ATG7: variants seen among roughly 807,000 people sequenced by gnomAD.
The protein encoded by ATG7 is autophagy related 7.
ATG7 carries 70 observed loss-of-function variants against 82.4 expected under a neutral mutation model. The observed-to-expected ratio is 0.85, with a 90% CI of 0.70 to 1.04. The LOEUF (loss-of-function observed/expected upper bound fraction) is 1.04, where lower values mean the gene tolerates loss of function less well. ATG7 is among the 50% of genes least tolerant of loss of function. The pLI, the probability that ATG7 is intolerant of heterozygous loss-of-function variation, is 0.00. For synonymous variants in ATG7, 287 were observed against 313.0 expected (o/e 0.92, Z 0.88); for missense variants, 792 against 864.3 (o/e 0.92, Z 1.05).
At chr3:11,372,942 G>A (rs1043903543) in intron 18 of ATG7, among the ~76,000 whole-genome samples, 2 of 151,308 alleles carry the variant, frequency 1.3e-5, no homozygotes, top group Non-Finnish European at 2.9e-5. Context: ...TTAAAAGAAA[G>A]TTAAATGTTT....
At chr3:11,334,367 C>T (rs1187175047) in intron 11 of ATG7, among the ~76,000 whole-genome samples, 2 of 151,926 alleles carry the variant, frequency 1.3e-5, no homozygotes, top group African/African-American at 4.8e-5. Flanking sequence ...TCCTCGGCCT[C>T]CCAAGAAGCT....
chr3:11,565,050 G>GT, the ATG7 span: 1 of 1,462,810 alleles, frequency 6.8e-7, no homozygotes, highest in Non-Finnish European at 9.0e-7. The surrounding 1 kb of genome is among the most constrained non-coding windows in gnomAD (Gnocchi z 4.1). Flanking sequence ...TTCAGGGGGC[G>GT]TTTTCTCAAA....
the ATG7 span, among the ~76,000 whole-genome samples, chr3:11,575,509 C>T: frequency 8.5e-5 from 13 of 152,330 alleles, no homozygotes; most frequent in Admixed American, 5.9e-4. Flanking sequence ...TGGGTCCCTC[C>T]TTTCCTTGGG....
chr3:11,384,093 G>A (rs536629827), intron 19 of ATG7, among the ~76,000 whole-genome samples: 1 of 152,344 alleles, frequency 6.6e-6, no homozygotes, highest in South Asian at 2.1e-4. Flanking sequence ...TCTAAAAGGA[G>A]TAAAGCTAGG....
chr3:11,303,195 G>A (rs1050434537), intron 5 of ATG7, among the ~76,000 whole-genome samples: 1 of 152,204 alleles, frequency 6.6e-6, no homozygotes, highest in Non-Finnish European at 1.5e-5. Context: ...CTGGAGGGAA[G>A]GGACATTTAT....
intron 20 of ATG7, among the ~76,000 whole-genome samples, chr3:11,505,647 C>T (rs2091657393): frequency 1.3e-5 from 2 of 152,306 alleles, no homozygotes; most frequent in South Asian, 4.1e-4. Flanking sequence ...CCTTGCAAGT[C>T]AGTGACACCA....
chr3:11,566,305 G>A, the ATG7 span, among the ~76,000 whole-genome samples: 10 of 152,186 alleles, frequency 6.6e-5, no homozygotes, highest in East Asian at 1.9e-4. Context: ...AACAACACAC[G>A]GCCATCCCAT....
At chr3:11,461,154 G>A (rs2086263387) in intron 20 of ATG7, among the ~76,000 whole-genome samples, 1 of 152,226 alleles carries the variant, frequency 6.6e-6, no homozygotes, top group African/African-American at 2.4e-5. Flanking sequence ...GATATAGGGT[G>A]TCAGTGCTGG....
At chr3:11,470,256 A>T (rs1003271058) in intron 20 of ATG7, among the ~76,000 whole-genome samples, 2 of 152,212 alleles carry the variant, frequency 1.3e-5, no homozygotes, top group African/African-American at 4.8e-5. Context: ...AGGCGATTAC[A>T]TCAGTTGTCA....
intron 19 of ATG7, among the ~76,000 whole-genome samples, chr3:11,405,770 A>G (rs1294730409): frequency 6.6e-6 from 1 of 151,302 alleles, no homozygotes; most frequent in African/African-American, 2.4e-5. Context: ...TGGGACTACA[A>G]ATGCATGTCA....
At chr3:11,472,779 T>A (rs1238868972) in intron 20 of ATG7, among the ~76,000 whole-genome samples, 1 of 152,148 alleles carries the variant, frequency 6.6e-6, no homozygotes, top group Non-Finnish European at 1.5e-5. Context: ...TACCCCAGCC[T>A]TTGTGATTGG....
chr3:11,358,035 A>G (rs2076046808), intron 14 of ATG7, among the ~76,000 whole-genome samples: 1 of 150,776 alleles, frequency 6.6e-6, no homozygotes, highest in South Asian at 2.1e-4. Flanking sequence ...AAAAGAAAAG[A>G]AAAAAAAAGA....
At position 11,555,203 on chromosome 3, in the gene ATG7, C is replaced by A; in HGVS notation, c.*360C>A. The A allele has an allele frequency of 4.0e-6, 1 of 247,158 alleles. No individual in the cohort carries two copies. The highest frequency in any genetic ancestry group is 7.7e-6 in the Non-Finnish European group (1 of 129,616). The allele number at this position is 247,158 out of a possible 1,614,324, so 15.3% of individuals were successfully genotyped here. On this transcript the variant is annotated 3_prime_UTR_variant, in exon 21 of 21. Transcript: ENST00000693202. ...CAGACCAAATGGGGAAATGAGCAACCAGCTCCTGCCCAGAGCCACTGCGGG... is the reference window on the plus strand; with the variant it reads ...CAGACCAAATGGGGAAATGAGCAACAAGCTCCTGCCCAGAGCCACTGCGGG...
chr3:11,409,263 C>G (rs2080661076), intron 19 of ATG7, among the ~76,000 whole-genome samples: 1 of 152,198 alleles, frequency 6.6e-6, no homozygotes, highest in East Asian at 1.9e-4. Context: ...AAACATATTT[C>G]AAATTGTGAA....
At chr3:11,406,423 C>A (rs1576161053) in intron 19 of ATG7, among the ~76,000 whole-genome samples, 2 of 152,162 alleles carry the variant, frequency 1.3e-5, no homozygotes, top group Admixed American at 1.3e-4. Context: ...CTGCCTCAGT[C>A]CCCCACCAAG....
intron 18 of ATG7, among the ~76,000 whole-genome samples, chr3:11,368,507 C>T (rs936699273): frequency 1.3e-5 from 2 of 152,006 alleles, no homozygotes; most frequent in Admixed American, 1.3e-4. Flanking sequence ...AATGAGGTGA[C>T]AAGGCTAGGC....
intron 20 of ATG7, among the ~76,000 whole-genome samples, chr3:11,495,037 A>G (rs151238255): frequency 0.011 from 1,744 of 151,938 alleles, 117 homozygotes; most frequent in Admixed American, 0.1. Flanking sequence ...GCACCACTGC[A>G]CTCCAGCCTG....
At chr3:11,349,914 A>C (rs1296697777) in intron 14 of ATG7, among the ~76,000 whole-genome samples, 6 of 152,232 alleles carry the variant, frequency 3.9e-5, no homozygotes, top group Non-Finnish European at 8.8e-5. Context: ...AGCTCCTTTC[A>C]TTTAAAATCT....
chr3:11,336,120 A>G (rs1287994388), intron 11 of ATG7, among the ~76,000 whole-genome samples: 3 of 149,754 alleles, frequency 2.0e-5, no homozygotes, highest in East Asian at 2.0e-4. Context: ...GCTTACTGCA[A>G]TCCTGGGTTC....
Sources: gnomAD v4.1 joint callset for allele counts (sites outside exome capture counted in the v4.1 genomes callset) on GRCh38, gnomAD v4.1.1 for gene constraint, Gnocchi (gnomAD v3.1) non-coding constraint, MANE v1.5 for transcripts, NCBI Gene and HGNC (gene_info 2026-07-23, HGNC 2026-07-21) for gene names.